SSC4D: variants seen among roughly 807,000 people sequenced by gnomAD.
SSC4D encodes scavenger receptor cysteine rich family member with 4 domains.
SSC4D carries 57 observed loss-of-function variants against 63.4 expected under a neutral mutation model. That is an observed-to-expected ratio of 0.90 (90% CI 0.73 to 1.12). SSC4D has a LOEUF of 1.12. SSC4D is among the 50% of genes most tolerant of loss of function. The probability of loss-of-function intolerance (pLI) is 0.00; values close to 1 mark genes in which losing one functional copy is unlikely to be tolerated. For synonymous variants in SSC4D, 352 were observed against 345.4 expected (o/e 1.02, Z -0.21); for missense variants, 791 against 806.4 (o/e 0.98, Z 0.23).
intron 2 of SSC4D, among the ~76,000 whole-genome samples, chr7:76,401,940 A>G (rs909206198): frequency 6.6e-6 from 1 of 152,092 alleles, no homozygotes; most frequent in Non-Finnish European, 1.5e-5. Flanking sequence ...GCTCCACCTT[A>G]AATGTGTAAA....
chr7:76,408,011 C>A (rs922554148), intron 1 of SSC4D, among the ~76,000 whole-genome samples: 83 of 152,260 alleles, frequency 5.5e-4, no homozygotes, highest in African/African-American at 1.8e-3. Context: ...CAGGACTGGG[C>A]TACTCTTGGT....
Position 76,393,408 on chromosome 7 carries a change from C to A in SSC4D, c.1330G>T (p.Ala444Ser), listed in dbSNP as rs1264300917. ...GHHEDAGALC[A>S]GPEELGLQVQ... ...TCACCTTCGCTGTCAGCCTCACCTG[C>A]GCAGAGCGCTCCCGCGTCCTCGTGG... Residue 444 changes from alanine to serine, a missense_variant, in exon 9 of 11, where the codon GCA becomes TCA. Coordinates refer to ENST00000275560, the MANE Select transcript of SSC4D (RefSeq NM_080744.2). The A allele has an allele frequency of 1.4e-6, 2 of 1,465,002 alleles. No homozygotes were observed. The highest frequency in any genetic ancestry group is 1.8e-6 in the Non-Finnish European group (2 of 1,111,928). 90.8% of individuals were successfully genotyped at this position (1,465,002 alleles called of 1,614,324 possible).
chr7:76,392,105 C>T, intron 9 of SSC4D, 64 bp from the exon 10 acceptor site: 1 of 1,501,128 alleles, frequency 6.7e-7, no homozygotes, highest in Non-Finnish European at 9.0e-7. Context: ...TCCTTAGGGC[C>T]AGGTCCCCTC....
At chr7:76,397,317 A>G (rs1039775876) in intron 6 of SSC4D, among the ~76,000 whole-genome samples, 2 of 152,192 alleles carry the variant, frequency 1.3e-5, no homozygotes, top group African/African-American at 4.8e-5. Context: ...TACCACAAGG[A>G]GTTCTGGGAT....
chr7:76,407,338 CT>C (rs71882894), intron 1 of SSC4D, among the ~76,000 whole-genome samples: 20 of 146,814 alleles, frequency 1.4e-4, no homozygotes, highest in Non-Finnish European at 1.7e-4. Flanking sequence ...GGGAGGATCT[CT>C]TTTTTTTTTT....
chr7:76,405,358 T>TTC (rs1804988944), intron 1 of SSC4D, among the ~76,000 whole-genome samples: 1 of 123,166 alleles, frequency 8.1e-6, no homozygotes, highest in Non-Finnish European at 1.7e-5. Context: ...TTTTTTTTTT[T>TTC]TTTGGTAGAG....
intron 4 of SSC4D, among the ~76,000 whole-genome samples, 179 bp from the exon 5 acceptor site, chr7:76,398,976 G>A (rs754591215): frequency 9.9e-5 from 15 of 152,220 alleles, no homozygotes; most frequent in South Asian, 4.1e-4. Context: ...CCAGAGTCCT[G>A]GACTCCTCTA....
Position 76,405,301 on chromosome 7 carries a change from A to G in SSC4D, c.-66-796T>C, listed in dbSNP as rs1445445607. 2.8e-3 allele frequency among the ~76,000 whole-genome samples: 125 copies of G among 45,282 alleles called. 4 individuals carry two copies. Among genetic ancestry groups the G allele is most frequent in the East Asian group, 0.011 (14 of 1,264 alleles). 29.7% of individuals were successfully genotyped at this position (45,282 alleles called of 152,430 possible). A position where few individuals can be genotyped will look rare whatever the true frequency, so the allele number is the denominator to read the frequency against. On this transcript the variant is annotated intron_variant, in intron 1 of 10. Coordinates refer to ENST00000275560, the MANE Select transcript of SSC4D (RefSeq NM_080744.2). The stretch of plus-strand genomic sequence containing the variant: ...TATATATATATATATATATATATAT[A>G]TATATATATATATATGTATTTTTTT...
chr7:76,403,778 C>T (rs1406737833), intron 2 of SSC4D, among the ~76,000 whole-genome samples: 1 of 152,072 alleles, frequency 6.6e-6, no homozygotes, highest in Admixed American at 6.6e-5. Flanking sequence ...TCTCCTGCCT[C>T]AGCCTCCTGA....
chr7:76,397,509 A>T lies in SSC4D; in HGVS notation c.868+9T>A. The T allele has an allele frequency of 1.3e-6, 2 of 1,512,190 alleles. No homozygotes were observed. The highest frequency in any genetic ancestry group is 8.8e-7 in the Non-Finnish European group (1 of 1,131,442). 93.7% of individuals were successfully genotyped at this position (1,512,190 alleles called of 1,614,324 possible). A position where few individuals can be genotyped will look rare whatever the true frequency, so the allele number is the denominator to read the frequency against. On this transcript the variant is annotated intron_variant, in intron 6 of 10. Transcript: ENST00000275560. ...CCCCGGCCCCGCCCATCGCCCCTAG[A>T]GCCCGCACCTGCGCAGAGCGCGCCC...
intron 2 of SSC4D, among the ~76,000 whole-genome samples, chr7:76,401,608 G>T (rs968282660): frequency 1.3e-5 from 2 of 152,068 alleles, no homozygotes; most frequent in Non-Finnish European, 2.9e-5. Context: ...GTAGAGATGG[G>T]GTTTCGCCAT....
In SSC4D at chr7:76,404,413, A is replaced by T; in HGVS notation, c.27T>A (p.Ile9=). The change falls in exon 2 of 11, where the codon ATT becomes ATA. Residue 9 remains isoleucine (I), a synonymous_variant. Coordinates refer to ENST00000275560, the MANE Select transcript of SSC4D (RefSeq NM_080744.2). ...AGCGCTTCTCATCCAGCTGGGGACC[A>T]ATTAGCATCTCTGCTTCCTTGTGCA... MHKEAEML[I]GPQLDEKRWG... 6.2e-7 allele frequency: 1 copy of T among 1,614,032 alleles called. No individual in the cohort carries two copies. Among genetic ancestry groups the T allele is most frequent in the Non-Finnish European group, 8.5e-7 (1 of 1,179,988 alleles).
chr7:76,392,474 T>G (rs1469935378), intron 9 of SSC4D, among the ~76,000 whole-genome samples: 3 of 147,116 alleles, frequency 2.0e-5, no homozygotes, highest in Non-Finnish European at 4.5e-5. Context: ...CGCTTGAACC[T>G]GGGTGGCGGA....
At chr7:76,390,455 A>G in intron 10 of SSC4D, 80 bp from the exon 11 acceptor site, 1 of 1,338,588 alleles carries the variant, frequency 7.5e-7, no homozygotes, top group Non-Finnish European at 1.0e-6. Flanking sequence ...GGCAGTAAAG[A>G]GAGGTCTGAG....
At chr7:76,391,933 C>T (rs772925326) in intron 10 of SSC4D, 31 bp downstream of exon 10, 17 of 1,570,372 alleles carry the variant, frequency 1.1e-5, no homozygotes, top group South Asian at 7.0e-5. Flanking sequence ...CCGATGCCTC[C>T]ACCCACTTTC....
chr7:76,400,621 G>T lies in SSC4D; in HGVS notation c.170-30C>A, dbSNP rs73361552. 0.011 allele frequency: 15,014 copies of T among 1,429,082 alleles called. 952 individuals are homozygous for T. The African/African-American group carries it at 0.17, about 16-fold the overall frequency. The allele number at this position is 1,429,082 out of a possible 1,614,324, so 88.5% of individuals were successfully genotyped here. On this transcript the variant is annotated intron_variant, in intron 3 of 10. Coordinates refer to ENST00000275560, the MANE Select transcript of SSC4D (RefSeq NM_080744.2). ...GAAGAGGGTGGAGCTGGCACCAGGG[G>T]GTCACTGAGTCCAACCTCCAGCATG...
Position 76,393,397 on chromosome 7 carries a change from A to AG in SSC4D, c.1333+7dup. On this transcript the variant is annotated splice_region_variant and intron_variant, in intron 9 of 10. Transcript: ENST00000275560. ...CGCTGTCAGCCTCACCTTCGCTGTC[A>AG]GCCTCACCTGCGCAGAGCGCTCCCG... The AG allele has an allele frequency of 7.2e-7, 1 of 1,388,160 alleles. No homozygotes were observed. The highest frequency in any genetic ancestry group is 9.3e-7 in the Non-Finnish European group (1 of 1,071,082). 86.0% of individuals were successfully genotyped at this position (1,388,160 alleles called of 1,614,324 possible). A position where few individuals can be genotyped will look rare whatever the true frequency, so the allele number is the denominator to read the frequency against.
In SSC4D at chr7:76,397,510, G is replaced by T. The variant is rs769611176; in HGVS notation, c.868+8C>A. ...CCCGGCCCCGCCCATCGCCCCTAGA[G>T]CCCGCACCTGCGCAGAGCGCGCCCG... On this transcript the variant is annotated splice_region_variant and intron_variant, in intron 6 of 10. Coordinates refer to ENST00000275560, the MANE Select transcript of SSC4D (RefSeq NM_080744.2). The T allele has an allele frequency of 2.0e-6, 3 of 1,517,570 alleles. No individual in the cohort carries two copies. Among genetic ancestry groups the T allele is most frequent in the African/African-American group, 2.8e-5 (2 of 72,346 alleles). The allele number at this position is 1,517,570 out of a possible 1,614,324, so 94.0% of individuals were successfully genotyped here.
chr7:76,405,961 CCTT>C, intron 1 of SSC4D, among the ~76,000 whole-genome samples: 1 of 145,284 alleles, frequency 6.9e-6, no homozygotes, highest in Non-Finnish European at 1.5e-5. Context: ...TTCCTTCCTT[CCTT>C]CTTCCTTTCC....
Sources: gnomAD v4.1 joint callset for allele counts (sites outside exome capture counted in the v4.1 genomes callset) on GRCh38, gnomAD v4.1.1 for gene constraint, MANE v1.5 for transcripts, NCBI Gene and HGNC (gene_info 2026-07-23, HGNC 2026-07-21) for gene names.